Variants in GC observed in about 807,000 individuals in gnomAD.
GC encodes vitamin D-binding protein.
GC carries 43 observed loss-of-function variants against 56.7 expected under a neutral mutation model. That is an observed-to-expected ratio of 0.76 (90% CI 0.59 to 0.98). The LOEUF (loss-of-function observed/expected upper bound fraction) is 0.98, where lower values mean the gene tolerates loss of function less well. Among genes scored for constraint, GC ranks in the 50% least tolerant of loss-of-function variants. GC has a pLI of 0.00. For missense variants in GC, 529 were observed against 545.9 expected, an observed-to-expected ratio of 0.97 and a Z score of 0.31; for synonymous variants, 216 against 202.7, an observed-to-expected ratio of 1.07 and a Z score of -0.56.
chr4:71,771,541 A>G (rs1235569735), intron 1 of GC, among the ~76,000 whole-genome samples: 1 of 152,136 alleles, frequency 6.6e-6, no homozygotes, highest in Non-Finnish European at 1.5e-5. Context: ...GACCTACTCA[A>G]ACACCCTCAA....
intron 1 of GC, among the ~76,000 whole-genome samples, chr4:71,774,143 A>G (rs1187093594): frequency 6.6e-6 from 1 of 152,082 alleles, no homozygotes; most frequent in Non-Finnish European, 1.5e-5. Flanking sequence ...TACTAAACCC[A>G]GAGACCCACA....
chr4:71,763,798 AC>A lies in GC; in HGVS notation c.606+5del. On this transcript the variant is annotated splice_donor_5th_base_variant and intron_variant, in intron 5 of 12. Transcript: ENST00000273951. Reference sequence around the variant, plus strand: ...GTAAACATATAATAAGTAAAATGGGACATACCTCTTTCAAAAAGCATACAGT... The same window carrying A: ...GTAAACATATAATAAGTAAAATGGGAATACCTCTTTCAAAAAGCATACAGT... 3 of 1,608,726 alleles carry A rather than the reference AC, an allele frequency of 1.9e-6. No homozygotes were observed. Among genetic ancestry groups the A allele is most frequent in the Non-Finnish European group, 2.6e-6 (3 of 1,176,418 alleles).
rs190015236 is a variant in GC, at chr4:71,760,490, G to A, written c.702-2319C>T. Among the ~76,000 whole-genome samples the A allele has an allele frequency of 2.0e-5, 3 of 152,270 alleles. 1 individual carries two copies. The East Asian group carries it at 5.8e-4, about 29-fold the overall frequency. ...GACTGTAAGTATGGAGGGAAAAAAA[G>A]TTGGCAAATCTAGATGTTTGAGAAA... is the stretch of plus-strand genomic sequence containing the variant. On this transcript the variant is annotated intron_variant, in intron 6 of 12. Coordinates refer to ENST00000273951, the MANE Select transcript of GC (RefSeq NM_000583.4).
chr4:71,778,891 GTTA>G (rs149876631), intron 1 of GC, among the ~76,000 whole-genome samples: 5 of 143,318 alleles, frequency 3.5e-5, no homozygotes, highest in Admixed American at 7.0e-5. Context: ...ATTGCTGTCA[GTTA>G]TTATTATTAT....
chr4:71,801,396 T>C (rs1743245117), intron 1 of GC, among the ~76,000 whole-genome samples: 1 of 152,210 alleles, frequency 6.6e-6, no homozygotes, highest in African/African-American at 2.4e-5. Flanking sequence ...GCCCTGCAAA[T>C]TCCACTGGTT....
chr4:71,768,850 C>A (rs1208705024), intron 2 of GC, among the ~76,000 whole-genome samples: 5 of 152,160 alleles, frequency 3.3e-5, no homozygotes, highest in Admixed American at 2.0e-4. Flanking sequence ...ACATTTACTT[C>A]TTTATTTGGC....
intron 1 of GC, among the ~76,000 whole-genome samples, chr4:71,796,924 C>T (rs1339849743): frequency 2.0e-5 from 3 of 152,156 alleles, no homozygotes; most frequent in Non-Finnish European, 2.9e-5. Flanking sequence ...CAGTCAGGTC[C>T]CTCAGTTGCA....
chr4:71,777,262 A>C (rs1205936620), intron 1 of GC, among the ~76,000 whole-genome samples: 1 of 151,810 alleles, frequency 6.6e-6, no homozygotes, highest in Non-Finnish European at 1.5e-5. Flanking sequence ...AAGAACTGTA[A>C]TTTAAATGGG....
chr4:71,801,522 C>G (rs1340105096), intron 1 of GC, among the ~76,000 whole-genome samples: 1 of 152,098 alleles, frequency 6.6e-6, no homozygotes, highest in Non-Finnish European at 1.5e-5. Context: ...GCCAGGGCAA[C>G]TTCGGGGCTC....
intron 7 of GC, among the ~76,000 whole-genome samples, 160 bp downstream of exon 7, chr4:71,757,882 C>A (rs995958502): frequency 2.6e-5 from 4 of 152,106 alleles, no homozygotes; most frequent in African/African-American, 9.7e-5. Context: ...TGTTTTCTCA[C>A]CTGTACAGTG....
At chr4:71,777,241 T>A (rs1005647869) in intron 1 of GC, among the ~76,000 whole-genome samples, 1 of 151,876 alleles carries the variant, frequency 6.6e-6, no homozygotes, top group South Asian at 2.1e-4. Flanking sequence ...GGCTTATTAT[T>A]GGACAATTGT....
intron 1 of GC, among the ~76,000 whole-genome samples, chr4:71,791,856 C>G (rs376541787): frequency 6.6e-6 from 1 of 152,084 alleles, no homozygotes; most frequent in African/African-American, 2.4e-5. Flanking sequence ...TGATGCTCCC[C>G]GCCCTGTGTC....
chr4:71,786,291 T>C (rs1246717683), upstream of GC, among the ~76,000 whole-genome samples: 2 of 151,786 alleles, frequency 1.3e-5, no homozygotes, highest in African/African-American at 4.8e-5. Context: ...TTTCAAATGT[T>C]GATTGCTTAC....
At chr4:71,753,345 G>T (rs1347016231) in intron 10 of GC, among the ~76,000 whole-genome samples, 1 of 152,104 alleles carries the variant, frequency 6.6e-6, no homozygotes, top group African/African-American at 2.4e-5. Flanking sequence ...AATTAATCTA[G>T]AGTTGGGCTT....
upstream of GC, among the ~76,000 whole-genome samples, chr4:71,787,687 G>C (rs1413960254): frequency 6.6e-6 from 1 of 151,842 alleles, no homozygotes; most frequent in Non-Finnish European, 1.5e-5. Context: ...GTCCAAGCAA[G>C]GGATGACAGA....
At chr4:71,770,576 T>A (rs1742313816) in intron 1 of GC, among the ~76,000 whole-genome samples, 1 of 152,114 alleles carries the variant, frequency 6.6e-6, no homozygotes, top group Non-Finnish European at 1.5e-5. Flanking sequence ...TTTTGCCCAT[T>A]GAGTTGAGTT....
intron 7 of GC, among the ~76,000 whole-genome samples, chr4:71,757,414 C>G (rs192331431): frequency 6.6e-6 from 1 of 152,112 alleles, no homozygotes; most frequent in Admixed American, 6.5e-5. Flanking sequence ...CAGAGATTGA[C>G]AAGATCTTGG....
At chr4:71,762,525 G>T (rs955954985) in intron 6 of GC, among the ~76,000 whole-genome samples, 6 of 152,138 alleles carry the variant, frequency 3.9e-5, no homozygotes, top group African/African-American at 1.4e-4. Context: ...TGAAATGTGA[G>T]GACATGAGAT....
At chr4:71,754,362 A>T in intron 10 of GC, 49 bp downstream of exon 10, 1 of 867,182 alleles carries the variant, frequency 1.2e-6, no homozygotes, top group Non-Finnish European at 1.9e-6. Flanking sequence ...TAGTACTATG[A>T]AAATATTATT....
Sources: allele counts gnomAD v4.1 joint callset (sites outside exome capture counted in the v4.1 genomes callset), GRCh38; gene constraint gnomAD v4.1.1; transcripts MANE v1.5; gene names NCBI Gene and HGNC (gene_info 2026-07-23, HGNC 2026-07-21).